UNC13C: variants seen among roughly 807,000 people sequenced by gnomAD.
UNC13C encodes the protein protein unc-13 homolog C.
A neutral mutation model predicts 245.4 loss-of-function variants in UNC13C; 174 were observed. The ratio of observed to expected loss-of-function variants is 0.71; its 90% CI spans 0.63 to 0.80. The LOEUF is 0.80. Among genes scored for constraint, UNC13C ranks in the 30% least tolerant of loss-of-function variants. The pLI, the probability that UNC13C is intolerant of heterozygous loss-of-function variation, is 0.00. For synonymous variants in UNC13C, 992 were observed against 895.1 expected (o/e 1.11, Z -1.93); for missense variants, 2,829 against 2,602.9 (o/e 1.09, Z -1.89).
chr15:54,411,098 A>C (rs2040408094), intron 18 of UNC13C, among the ~76,000 whole-genome samples: 1 of 152,124 alleles, frequency 6.6e-6, no homozygotes, highest in South Asian at 2.1e-4. Flanking sequence ...ATGACTAATA[A>C]TGTTGAGCCT....
At chr15:54,080,793 T>G (rs1897021) in intron 2 of UNC13C, among the ~76,000 whole-genome samples, 133,817 of 151,972 alleles carry the variant, frequency 0.88, 59,790 homozygotes, top group Non-Finnish European at 0.97. Flanking sequence ...GATCCTTTGT[T>G]TGTTTTTTGG....
At chr15:53,952,203 A>T in the UNC13C span, among the ~76,000 whole-genome samples, 6 of 152,158 alleles carry the variant, frequency 3.9e-5, no homozygotes, top group Non-Finnish European at 8.8e-5. Context: ...TGTTGAATAC[A>T]TTGCCCTAAA....
At chr15:54,416,885 G>A (rs74793532) in intron 19 of UNC13C, 16,461 of 456,388 alleles carry the variant, frequency 0.036, 760 homozygotes, top group Admixed American at 0.14. Context: ...CTTCGCTACA[G>A]TAAAAGTTTA....
At chr15:53,995,419 G>C (rs1006371378) in intron 1 of UNC13C, among the ~76,000 whole-genome samples, 2 of 151,946 alleles carry the variant, frequency 1.3e-5, no homozygotes, top group African/African-American at 2.4e-5. Context: ...GGGGCCATCT[G>C]GTCTCTTATT....
intron 24 of UNC13C, among the ~76,000 whole-genome samples, chr15:54,514,793 T>A (rs1189798187): frequency 6.6e-6 from 1 of 152,074 alleles, no homozygotes; most frequent in African/African-American, 2.4e-5. Flanking sequence ...CTGTATGGAG[T>A]TCAAATGGAA....
At chr15:54,095,666 A>G (rs996698161) in intron 2 of UNC13C, among the ~76,000 whole-genome samples, 1 of 152,220 alleles carries the variant, frequency 6.6e-6, no homozygotes, top group African/African-American at 2.4e-5. Context: ...GGCGATTTAT[A>G]TTCACAGTCA....
the UNC13C span, among the ~76,000 whole-genome samples, chr15:53,903,720 C>T: frequency 1.3e-5 from 2 of 152,140 alleles, no homozygotes; most frequent in African/African-American, 4.8e-5. Context: ...ACAGTATCTT[C>T]TCGGAAAATT....
chr15:54,382,558 C>A (rs2039749332), intron 17 of UNC13C, among the ~76,000 whole-genome samples: 1 of 151,648 alleles, frequency 6.6e-6, no homozygotes, highest in Admixed American at 6.6e-5. Context: ...GCTTGGGTGA[C>A]AGAGTGAGAC....
intron 4 of UNC13C, among the ~76,000 whole-genome samples, chr15:54,160,956 T>G (rs2032949295): frequency 6.6e-6 from 1 of 152,226 alleles, no homozygotes; most frequent in Admixed American, 6.5e-5. Flanking sequence ...TTTGCACATT[T>G]CTTTTGAAGG....
At chr15:54,239,899 A>T (rs2035807046) in intron 7 of UNC13C, among the ~76,000 whole-genome samples, 1 of 152,224 alleles carries the variant, frequency 6.6e-6, no homozygotes, top group African/African-American at 2.4e-5. Context: ...TTTTGAGTAA[A>T]TAATAAAGTC....
intron 10 of UNC13C, among the ~76,000 whole-genome samples, chr15:54,268,757 G>T (rs2036610832): frequency 1.3e-5 from 2 of 152,042 alleles, no homozygotes; most frequent in South Asian, 4.2e-4. Flanking sequence ...CTGCCCAGTA[G>T]AAATTAGTAT....
At chr15:54,582,769 T>C (rs1898264395) in intron 30 of UNC13C, among the ~76,000 whole-genome samples, 1 of 152,172 alleles carries the variant, frequency 6.6e-6, no homozygotes, top group Non-Finnish European at 1.5e-5. Context: ...CCACTACTGT[T>C]AGCCTGACTC....
intron 2 of UNC13C, among the ~76,000 whole-genome samples, chr15:54,033,317 A>G (rs1408107279): frequency 6.6e-6 from 1 of 152,208 alleles, no homozygotes; most frequent in African/African-American, 2.4e-5. Flanking sequence ...AAGTGTTCAC[A>G]CATTTTGGAA....
chr15:54,315,887 T>G (rs966648912), intron 13 of UNC13C, among the ~76,000 whole-genome samples: 1 of 151,834 alleles, frequency 6.6e-6, no homozygotes, highest in African/African-American at 2.4e-5. Context: ...TATTCCTCTC[T>G]GAATATTTCT....
At chr15:54,328,439 C>T (rs1297949236) in intron 14 of UNC13C, among the ~76,000 whole-genome samples, 1 of 151,944 alleles carries the variant, frequency 6.6e-6, no homozygotes, top group Non-Finnish European at 1.5e-5. Context: ...TTATCTTATT[C>T]CTGAAAATTT....
At chr15:53,986,057 G>A (rs867662185) in intron 1 of UNC13C, among the ~76,000 whole-genome samples, 1 of 152,042 alleles carries the variant, frequency 6.6e-6, no homozygotes, top group South Asian at 2.1e-4. Context: ...AATCCAGGGA[G>A]GAATCCCCAA....
intron 2 of UNC13C, among the ~76,000 whole-genome samples, chr15:54,134,250 A>G (rs2031602304): frequency 1.4e-5 from 2 of 139,538 alleles, no homozygotes; most frequent in Non-Finnish European, 3.1e-5. Flanking sequence ...CTACTGTTCT[A>G]CTCTCCACTT....
At chr15:54,281,376 C>A (rs1165283047) in intron 10 of UNC13C, among the ~76,000 whole-genome samples, 1 of 152,094 alleles carries the variant, frequency 6.6e-6, no homozygotes, top group Non-Finnish European at 1.5e-5. Flanking sequence ...ATGCTAAGAT[C>A]TTTCAGAAAA....
chr15:53,928,546 A>T, the UNC13C span, among the ~76,000 whole-genome samples: 3 of 152,194 alleles, frequency 2.0e-5, no homozygotes, highest in East Asian at 5.8e-4. Context: ...GTTTATGGCC[A>T]GATTTTGGGG....
Sources: gnomAD v4.1 joint callset for allele counts (sites outside exome capture counted in the v4.1 genomes callset) on GRCh38, gnomAD v4.1.1 for gene constraint, MANE v1.5 for transcripts, NCBI Gene and HGNC (gene_info 2026-07-23, HGNC 2026-07-21) for gene names.